TNFAIP1: variants seen among roughly 807,000 people sequenced by gnomAD.
TNFAIP1 encodes the protein TNF alpha induced protein 1.
A neutral mutation model predicts 32.6 loss-of-function variants in TNFAIP1; 20 were observed. That is an observed-to-expected ratio of 0.61 (90% CI 0.43 to 0.89). The LOEUF (loss-of-function observed/expected upper bound fraction) is 0.89, where lower values mean the gene tolerates loss of function less well. Ranked by LOEUF, TNFAIP1 falls within the 40% of genes least tolerant of loss-of-function variation. The pLI is 0.00. For synonymous variants in TNFAIP1, 166 were observed against 166.8 expected (o/e 1.00, Z 0.04); for missense variants, 319 against 425.1 (o/e 0.75, Z 2.20).
Position 28,342,891 on chromosome 17 carries a change from G to A in TNFAIP1, c.714+449G>A. On this transcript the variant is annotated intron_variant, in intron 6 of 6. Transcript: ENST00000226225. The surrounding 1 kb of genome is among the most constrained non-coding windows in gnomAD (Gnocchi z 4.0). ...CAGCAGTGTGGTGTAGAAACAGCTT[G>A]GGCTTTCGTGTTAGAATGCTGTTCA... Among the ~76,000 whole-genome samples, 1 of 152,214 alleles carries A rather than the reference G, an allele frequency of 6.6e-6. No individual in the cohort carries two copies. Among genetic ancestry groups the A allele is most frequent in the East Asian group, 1.9e-4 (1 of 5,196 alleles).
rs1907330734 is a variant in TNFAIP1 at position 28,340,611 on chromosome 17, T to C, written c.375+133T>C. 2 of 1,027,380 alleles carry C rather than the reference T, an allele frequency of 1.9e-6. No homozygotes were observed. Among genetic ancestry groups the C allele is most frequent in the South Asian group, 1.6e-5 (1 of 62,054 alleles). 63.6% of individuals were successfully genotyped at this position (1,027,380 alleles called of 1,614,324 possible). A position where few individuals can be genotyped will look rare whatever the true frequency, so the allele number is the denominator to read the frequency against. On this transcript the variant is annotated intron_variant, in intron 3 of 6. Coordinates refer to ENST00000226225, the MANE Select transcript of TNFAIP1 (RefSeq NM_021137.5). The surrounding 1 kb of genome is among the most constrained non-coding windows in gnomAD (Gnocchi z 4.1). ...ATGAGTGCAAACCTAATGAGACAAG[T>C]GAGATGCCACCCAGGCCCACCAACC...
At position 28,342,375 on chromosome 17, in the gene TNFAIP1, A is replaced by C. The variant is rs1284066853; in HGVS notation, c.647A>C (p.Gln216Pro). The C allele has an allele frequency of 6.2e-7, 1 of 1,606,820 alleles. No individual in the cohort carries two copies. The highest frequency in any genetic ancestry group is 2.2e-5 in the East Asian group (1 of 44,644). ...DEICCWSFYG[Q>P]GRKLAEVCCT... ...ATCTGCTGCTGGTCCTTTTATGGCC[A>C]GGGCCGTAAGCTGGCAGAGGTGTGC... The change falls in exon 6 of 7, where the codon CAG (glutamine) becomes CCG (proline). Residue 216 changes from glutamine (Q) to proline (P), a missense_variant. Transcript: ENST00000226225. The surrounding 1 kb of genome is among the most constrained non-coding windows in gnomAD (Gnocchi z 4.0).
At position 28,339,721 on chromosome 17, in the gene TNFAIP1, A is replaced by G. The variant is rs1555577880; in HGVS notation, c.200A>G (p.Lys67Arg). The change falls in exon 2 of 7, where the codon AAA (lysine) becomes AGA (arginine). Residue 67 changes from lysine (K) to arginine (R), a missense_variant. Physicochemically the swap from Lys to Arg is conservative, Grantham distance 26 (BLOSUM62 2). Coordinates refer to ENST00000226225, the MANE Select transcript of TNFAIP1 (RefSeq NM_021137.5). ...GGGCGCATGGAGGTGCTGACCGACA[A>G]AGAAGGTGAGGCACTGGGGCTGCCG... Reference protein sequence around the residue: ...FSGRMEVLTDKEGWILIDRCG... With the variant: ...FSGRMEVLTDREGWILIDRCG... The G allele has an allele frequency of 6.2e-7, 1 of 1,613,614 alleles. No individual in the cohort carries two copies.
chr17:28,345,851 T>C lies in TNFAIP1; in HGVS notation c.*1251T>C, dbSNP rs1555578877. 1.3e-5 allele frequency: 2 copies of C among 152,256 alleles called. No homozygotes were observed. Among genetic ancestry groups the C allele is most frequent in the African/African-American group, 4.8e-5 (2 of 41,466 alleles). 9.4% of individuals were successfully genotyped at this position (152,256 alleles called of 1,614,324 possible). ...ACTCAGCCATGGAGATGCCAAGCAC[T>C]AGCCAGGAGGTGAGTTCCTCTTTAG... On this transcript the variant is annotated 3_prime_UTR_variant, in exon 7 of 7. Coordinates refer to ENST00000226225, the MANE Select transcript of TNFAIP1 (RefSeq NM_021137.5).
chr17:28,342,247 C>T lies in TNFAIP1; in HGVS notation c.519C>T (p.Ser173=). The T allele has an allele frequency of 6.3e-7, 1 of 1,575,506 alleles. No individual in the cohort carries two copies. Among genetic ancestry groups the T allele is most frequent in the Non-Finnish European group, 8.7e-7 (1 of 1,149,500 alleles). ...CGCTTGGCCCTCATGTTTTTTTCAG[C>T]AACTCTGACGACCACCTGCTGAAAA... The part of the protein sequence containing the change: ...NRSNNKYSYT[S]NSDDHLLKNI... The change falls in exon 6 of 7, where the codon AGC becomes AGT. Residue 173 remains serine (S), a splice_region_variant and synonymous_variant. Transcript: ENST00000226225. The surrounding 1 kb of genome is among the most constrained non-coding windows in gnomAD (Gnocchi z 4.0).
At position 28,339,750 on chromosome 17, in the gene TNFAIP1, G is replaced by A. The variant is rs782318028; in HGVS notation, c.205+24G>A. The A allele has an allele frequency of 1.9e-5, 30 of 1,607,086 alleles. No individual in the cohort carries two copies. In the East Asian group the frequency reaches 2.0e-4, roughly 11 times the overall value. On this transcript the variant is annotated intron_variant, in intron 2 of 6. Transcript: ENST00000226225. Reference sequence around the variant, plus strand: ...AGGTGAGGCACTGGGGCTGCCGCTCGGGGTGGGGAGGGCAGGAGGAGTTCC... The same window carrying A: ...AGGTGAGGCACTGGGGCTGCCGCTCAGGGTGGGGAGGGCAGGAGGAGTTCC...
In TNFAIP1 at chr17:28,345,177, T is replaced by A; in HGVS notation, c.*577T>A. ...CCTTCTCCATGCCTGTGGGATCTGT[T>A]TCTTTAAAGCACTTTGTACTGTTAT... is the stretch of plus-strand genomic sequence containing the variant. On this transcript the variant is annotated 3_prime_UTR_variant, in exon 7 of 7. Transcript: ENST00000226225. 6.3e-6 allele frequency: 1 copy of A among 157,834 alleles called. No individual in the cohort carries two copies. Among genetic ancestry groups the A allele is most frequent in the Non-Finnish European group, 1.4e-5 (1 of 70,774 alleles). 9.8% of individuals were successfully genotyped at this position (157,834 alleles called of 1,614,324 possible).
chr17:28,345,616 T>G lies in TNFAIP1; in HGVS notation c.*1016T>G, dbSNP rs1373847160. The G allele has an allele frequency of 6.6e-6, 1 of 152,284 alleles. No individual in the cohort carries two copies. Among genetic ancestry groups the G allele is most frequent in the Non-Finnish European group, 1.5e-5 (1 of 68,064 alleles). The allele number at this position is 152,284 out of a possible 1,614,324, so 9.4% of individuals were successfully genotyped here. ...GGAGCCCGTGGGCACTGCATGGTGT[T>G]GGCTGGCATGCCCATCAGCTGAGGA... On this transcript the variant is annotated 3_prime_UTR_variant, in exon 7 of 7. Transcript: ENST00000226225.
rs1013708177 is a variant in TNFAIP1, at chr17:28,342,661, C to T, written c.714+219C>T. The T allele has an allele frequency of 5.6e-5, 26 of 464,458 alleles. No individual in the cohort carries two copies. The highest frequency in any genetic ancestry group is 3.2e-4 in the Admixed American group (10 of 30,774). 28.8% of individuals were successfully genotyped at this position (464,458 alleles called of 1,614,324 possible). On this transcript the variant is annotated intron_variant, in intron 6 of 6. Coordinates refer to ENST00000226225, the MANE Select transcript of TNFAIP1 (RefSeq NM_021137.5). The surrounding 1 kb of genome is among the most constrained non-coding windows in gnomAD (Gnocchi z 4.0). ...ACAGCGCAGGGCAGGGGCCGTTGAC[C>T]ACCAGGAAGTAGCCTAGTACAGTGG...
Sources: allele counts gnomAD v4.1 joint callset (sites outside exome capture counted in the v4.1 genomes callset), GRCh38; gene constraint gnomAD v4.1.1; non-coding constraint Gnocchi (gnomAD v3.1); transcripts MANE v1.5; gene names NCBI Gene and HGNC (gene_info 2026-07-23, HGNC 2026-07-21).